TNS1: variants seen among roughly 807,000 people sequenced by gnomAD.
The protein encoded by TNS1 is tensin-1.
Under a neutral mutation model 168.6 loss-of-function variants are expected in TNS1, and 62 were observed. The observed-to-expected ratio is 0.37, with a 90% CI of 0.30 to 0.45. TNS1 has a LOEUF of 0.45. TNS1 is among the 20% of genes least tolerant of loss of function. TNS1 has a pLI of 1.00. For missense variants in TNS1, 2,240 were observed against 2,339.4 expected (o/e 0.96, Z 0.88); for synonymous variants, 934 against 933.2 (o/e 1.00, Z -0.02).
chr2:217,805,382 G>A (rs557516545), intron 32 of TNS1, among the ~76,000 whole-genome samples: 62 of 113,602 alleles, frequency 5.5e-4, no homozygotes, highest in Admixed American at 2.0e-3. Context: ...GTTAGCAAAG[G>A]GGGATTCTGC....
chr2:217,847,608 T>G lies in TNS1; in HGVS notation c.2909A>C (p.Gln970Pro). ...CGCTTCCTTTGGTGAGAGCAGAGGC[T>G]GAGCAGTGAGGCCAGGGAGAGAGGC... ...PPASLPGLTA[Q>P]PLLSPKEATS... Residue 970 changes from glutamine to proline, a missense_variant, in exon 19 of 33, where the codon CAG becomes CCG. This residue lies in a region of TNS1 where 2,131 missense variants were observed against 2,171.2 expected (regional missense o/e 0.98). Transcript: ENST00000682258. 5.8e-6 allele frequency: 9 copies of G among 1,563,112 alleles called. No individual in the cohort carries two copies. Among genetic ancestry groups the G allele is most frequent in the Non-Finnish European group, 7.9e-6 (9 of 1,146,220 alleles).
At position 217,907,270 on chromosome 2, in the gene TNS1, A is replaced by G. The variant is rs1953823537; in HGVS notation, c.229-19T>C. 4.3e-6 allele frequency: 3 copies of G among 702,960 alleles called. No individual in the cohort carries two copies. The East Asian group carries it at 8.0e-5, about 19-fold the overall frequency. 43.5% of individuals were successfully genotyped at this position (702,960 alleles called of 1,614,324 possible). ...TGATGGGCTGTGGACAGAAGGAGAAACAGCATGAGCCCTTAGGGCAGACAT... is the reference window on the plus strand; with the variant it reads ...TGATGGGCTGTGGACAGAAGGAGAAGCAGCATGAGCCCTTAGGGCAGACAT... On this transcript the variant is annotated intron_variant, in intron 4 of 32. Transcript: ENST00000682258.
intron 13 of TNS1, 137 bp from the exon 14 acceptor site, chr2:217,886,241 G>A: frequency 1.1e-6 from 1 of 910,270 alleles, no homozygotes; most frequent in Non-Finnish European, 1.7e-6. Context: ...AGGAGGAAAA[G>A]AGGAAAGAGT....
intron 11 of TNS1, among the ~76,000 whole-genome samples, chr2:217,892,393 C>T (rs1177512459): frequency 2.6e-5 from 4 of 152,372 alleles, no homozygotes; most frequent in Middle Eastern, 6.8e-3. Flanking sequence ...TGAGCCACTG[C>T]GCCCAGCCAT....
At position 217,995,444 on chromosome 2, in the gene TNS1, G is replaced by GA. The variant is rs903920181; in HGVS notation, c.34-4389dup. ...AGAAGGCATAATGAGACTCAGTGGG[G>GA]AAAAAAAAAACTTAACAATCAGATG... On this transcript the variant is annotated intron_variant, in intron 1 of 32. Coordinates refer to ENST00000682258, the MANE Select transcript of TNS1 (RefSeq NM_001387777.1). The surrounding 1 kb of genome is among the most constrained non-coding windows in gnomAD (Gnocchi z 4.1). Among the ~76,000 whole-genome samples, 8 of 149,248 alleles carry GA rather than the reference G, an allele frequency of 5.4e-5. No individual in the cohort carries two copies. The highest frequency in any genetic ancestry group is 7.4e-5 in the Non-Finnish European group (5 of 67,122).
rs567301849 is a variant in TNS1 at position 217,867,391 on chromosome 2, C to T, written c.1429+13507G>A. ...GGTATATGTGCAACGCCATTCACTG[C>T]AGCATTTTTTTGGAAACAGCAAAAG... On this transcript the variant is annotated intron_variant, in intron 18 of 32. Transcript: ENST00000682258. Among the ~76,000 whole-genome samples the T allele has an allele frequency of 1.4e-3, 208 of 152,314 alleles. 4 individuals carry two copies. In the South Asian group the frequency reaches 0.014, roughly 10 times the overall value.
chr2:217,992,480 C>G (rs923631637), intron 1 of TNS1: 5 of 152,272 alleles, frequency 3.3e-5, no homozygotes, highest in African/African-American at 1.2e-4. Flanking sequence ...ATCCCACACA[C>G]AAGCCAGCGT....
intron 22 of TNS1, chr2:217,830,008 A>G (rs1052358549): frequency 1.9e-5 from 29 of 1,492,726 alleles, no homozygotes; most frequent in Non-Finnish European, 2.5e-5. Context: ...TTCTTGAGAA[A>G]GAGAATCTGT....
intron 22 of TNS1, chr2:217,830,250 C>T: frequency 7.5e-7 from 1 of 1,339,164 alleles, no homozygotes; most frequent in South Asian, 1.3e-5. Flanking sequence ...AGCCCCCAGC[C>T]CCCTTCTACT....
chr2:217,804,659 G>A, intron 32 of TNS1, 56 bp from the exon 33 acceptor site: 1 of 1,604,268 alleles, frequency 6.2e-7, no homozygotes, highest in Non-Finnish European at 8.5e-7. Flanking sequence ...ACCCCAGGAG[G>A]TGGACAGCAG....
At chr2:217,887,357 G>GGCGCATCTC (rs1951308522) in intron 12 of TNS1, among the ~76,000 whole-genome samples, 1 of 152,186 alleles carries the variant, frequency 6.6e-6, no homozygotes, top group Non-Finnish European at 1.5e-5. Flanking sequence ...TGCCCAGGCT[G>GGCGCATCTC]GAGTGCAATG....
At chr2:217,945,027 C>G (rs1957067814) in intron 3 of TNS1, among the ~76,000 whole-genome samples, 1 of 152,220 alleles carries the variant, frequency 6.6e-6, no homozygotes. Flanking sequence ...GTTATTATAG[C>G]TGAAGATCGT....
At chr2:217,881,304 T>G (rs905843336) in intron 17 of TNS1, 22 of 335,680 alleles carry the variant, frequency 6.6e-5, no homozygotes, top group Non-Finnish European at 1.1e-5. Flanking sequence ...GACCCCTGGC[T>G]GGGTACCTGC....
chr2:217,992,012 G>A (rs1958378616), intron 1 of TNS1, among the ~76,000 whole-genome samples: 1 of 152,092 alleles, frequency 6.6e-6, no homozygotes. Context: ...CTCTCTGGAT[G>A]GCACCACACC....
Position 217,813,678 on chromosome 2 carries a change from A to G in TNS1, c.4861+7T>C, listed in dbSNP as rs1471274010. The G allele has an allele frequency of 5.6e-6, 9 of 1,604,646 alleles. No homozygotes were observed. Among genetic ancestry groups the G allele is most frequent in the South Asian group, 5.6e-5 (5 of 89,724 alleles). On this transcript the variant is annotated splice_region_variant and intron_variant, in intron 26 of 32. Coordinates refer to ENST00000682258, the MANE Select transcript of TNS1 (RefSeq NM_001387777.1). The surrounding 1 kb of genome is among the most constrained non-coding windows in gnomAD (Gnocchi z 4.0). ...GTCCTGAGCCCCATTCTGGGAGATG[A>G]GGTTACCTTTTTTATTCTGCTGCAT...
In TNS1 at chr2:217,891,054, A is replaced by G; in HGVS notation, c.783-9T>C. On this transcript the variant is annotated splice_polypyrimidine_tract_variant and intron_variant, in intron 11 of 32. Transcript: ENST00000682258. ...CCAGAGCCTGGTCCGCACTGCAGGG[A>G]GAGACAGGTGGTCAAAAGAGGCAAC... The G allele has an allele frequency of 6.2e-7, 1 of 1,614,120 alleles. No individual in the cohort carries two copies.
chr2:217,905,398 A>G (rs1953542123), intron 6 of TNS1: 1 of 450,250 alleles, frequency 2.2e-6, no homozygotes, highest in African/African-American at 2.0e-5. Context: ...AGGGCTGGAC[A>G]TGCAGGGCTG....
intron 3 of TNS1, among the ~76,000 whole-genome samples, chr2:217,923,156 T>C (rs922638551): frequency 1.3e-5 from 2 of 152,078 alleles, no homozygotes; most frequent in African/African-American, 4.8e-5. Context: ...TGGGGGTGGC[T>C]ATAGGGGGTC....
chr2:217,911,195 G>A (rs1954365076), intron 4 of TNS1, among the ~76,000 whole-genome samples: 1 of 152,176 alleles, frequency 6.6e-6, no homozygotes, highest in African/African-American at 2.4e-5. Flanking sequence ...TTCCACCAGG[G>A]GTCTTCCAGA....
Sources: allele counts gnomAD v4.1 joint callset (sites outside exome capture counted in the v4.1 genomes callset), GRCh38; gene constraint gnomAD v4.1.1; regional missense constraint gnomAD v4.1.1; non-coding constraint Gnocchi (gnomAD v3.1); transcripts MANE v1.5; gene names NCBI Gene and HGNC (gene_info 2026-07-23, HGNC 2026-07-21).